VTI1B: variants seen among roughly 807,000 people sequenced by gnomAD.
VTI1B encodes the protein vesicle transport through interaction with t-SNAREs homolog 1B.
Under a neutral mutation model 28.6 loss-of-function variants are expected in VTI1B, and 18 were observed. The ratio of observed to expected loss-of-function variants is 0.63; its 90% CI spans 0.43 to 0.93. VTI1B has a LOEUF of 0.93. Among genes scored for constraint, VTI1B ranks in the 40% least tolerant of loss-of-function variants. VTI1B has a pLI of 0.00. For missense variants in VTI1B, 283 were observed against 297.0 expected (o/e 0.95, Z 0.35); for synonymous variants, 100 against 107.9 (o/e 0.93, Z 0.46).
At chr14:67,664,498 A>ATTTTT (rs11444640) in intron 1 of VTI1B, among the ~76,000 whole-genome samples, 1 of 147,066 alleles carries the variant, frequency 6.8e-6, no homozygotes. Context: ...CTAAAGAGCA[A>ATTTTT]TTTTTTTTTT....
At chr14:67,665,146 C>A (rs1399941709) in intron 1 of VTI1B, among the ~76,000 whole-genome samples, 1 of 152,210 alleles carries the variant, frequency 6.6e-6, no homozygotes, top group Non-Finnish European at 1.5e-5. Flanking sequence ...AGCTAGTGCA[C>A]CCGGCCAAGC....
rs370134816 is a variant in VTI1B, at chr14:67,655,912, AT to A, written c.540+503del. Among the ~76,000 whole-genome samples, 120 of 152,174 alleles carry A rather than the reference AT, an allele frequency of 7.9e-4. 1 individual carries two copies. The highest frequency in any genetic ancestry group is 2.6e-3 in the African/African-American group (108 of 41,508). On this transcript the variant is annotated intron_variant, in intron 4 of 5. Coordinates refer to ENST00000554659, the MANE Select transcript of VTI1B (RefSeq NM_006370.3). Reference sequence around the variant, plus strand: ...GTGATGTCTAAATCTTAGGGGTAAAATTGCTTCTAAGGGACATCTCTCAGCC... The same window carrying A: ...GTGATGTCTAAATCTTAGGGGTAAAATGCTTCTAAGGGACATCTCTCAGCC...
At chr14:67,654,800 C>T (rs943665522) in intron 4 of VTI1B, among the ~76,000 whole-genome samples, 10 of 151,696 alleles carry the variant, frequency 6.6e-5, no homozygotes, top group African/African-American at 2.2e-4. Flanking sequence ...GAGGCTGAGG[C>T]GGGCAGATCA....
intron 1 of VTI1B, among the ~76,000 whole-genome samples, chr14:67,671,833 AG>A (rs2140036209): frequency 6.6e-6 from 1 of 152,336 alleles, no homozygotes; most frequent in East Asian, 1.9e-4. Context: ...GGCAAGCAAG[AG>A]AGGGCTGAAC....
chr14:67,673,127 G>T (rs1248645516), intron 1 of VTI1B, among the ~76,000 whole-genome samples: 1 of 152,190 alleles, frequency 6.6e-6, no homozygotes, highest in Non-Finnish European at 1.5e-5. Context: ...CGGATCACTT[G>T]AGGTCAGGAG....
intron 1 of VTI1B, 94 bp from the exon 2 acceptor site, chr14:67,662,629 G>GCCCT: frequency 8.8e-7 from 1 of 1,133,466 alleles, no homozygotes; most frequent in Non-Finnish European, 1.3e-6. Flanking sequence ...CCTATGGCAG[G>GCCCT]GCCTGGTGGC....
chr14:67,668,626 T>TA (rs1470160149), intron 1 of VTI1B, among the ~76,000 whole-genome samples: 2 of 115,280 alleles, frequency 1.7e-5, no homozygotes, highest in Non-Finnish European at 4.7e-5. Flanking sequence ...ACCTAGTCTG[T>TA]GCTAGGCACT....
chr14:67,656,453 C>G lies in VTI1B; in HGVS notation c.503G>C (p.Gly168Ala), dbSNP rs1299209982. ...QIGSEIIEEL[G>A]EQRDQLERTK... ...ACGTTCTAACTGGTCTCGTTGTTCC[C>G]CCAGCTCTTCTATGATTTCTGAGCC... The change falls in exon 4 of 6, where the codon GGG becomes GCG. Residue 168 changes from glycine to alanine, a missense_variant. Gly to Ala is a moderately conservative substitution (Grantham distance 60). Transcript: ENST00000554659. 2.5e-6 allele frequency: 4 copies of G among 1,613,408 alleles called. No homozygotes were observed. In the Admixed American group the frequency reaches 5.0e-5, roughly 20 times the overall value.
chr14:67,659,547 G>A (rs1310930567), intron 3 of VTI1B, among the ~76,000 whole-genome samples, 184 bp downstream of exon 3: 1 of 151,740 alleles, frequency 6.6e-6, no homozygotes, highest in Non-Finnish European at 1.5e-5. Flanking sequence ...CGAAAGGCCT[G>A]CCTTAAATAG....
chr14:67,653,555 G>T, intron 4 of VTI1B, 57 bp from the exon 5 acceptor site: 1 of 1,477,070 alleles, frequency 6.8e-7, no homozygotes, highest in South Asian at 1.2e-5. Flanking sequence ...CTGTACAATT[G>T]AATATCCCTA....
rs766985135 is a variant in VTI1B, at chr14:67,674,409, C to T, written c.81G>A (p.Gly27=). Residue 27 remains glycine, a synonymous_variant, in exon 1 of 6, where the codon GGG becomes GGA. Transcript: ENST00000554659. ...IFRGLHEDLQ[G]VPERLLGTAG... ...CCGTCCCCAGCAGCCGCTCGGGCAC[C>T]CCTTGTAGGTCTTCATGGAGGCCGC... 19 of 1,605,692 alleles carry T rather than the reference C, an allele frequency of 1.2e-5. No homozygotes were observed. The Middle Eastern group carries it at 6.7e-4, about 57-fold the overall frequency.
At chr14:67,666,427 G>C (rs573389214) in intron 1 of VTI1B, among the ~76,000 whole-genome samples, 1 of 152,200 alleles carries the variant, frequency 6.6e-6, no homozygotes, top group South Asian at 2.1e-4. Flanking sequence ...CCTCTTATAA[G>C]TGCTCTATAA....
chr14:67,662,955 T>C, intron 1 of VTI1B: 1 of 1,189,304 alleles, frequency 8.4e-7, no homozygotes, highest in Admixed American at 4.2e-5. Context: ...CTGAAACCCC[T>C]CACCACTCCC....
rs183333044 is a variant in VTI1B, at chr14:67,656,542, G to C, written c.414C>G (p.Ser138Arg). ...QRAMLLQGTE[S>R]LNRATQSIER... ...CAATACTTTGGGTGGCCCGGTTCAGGCTTTCAGTGCCCTGCAGAAGCATTG... is the reference window on the plus strand; with the variant it reads ...CAATACTTTGGGTGGCCCGGTTCAGCCTTTCAGTGCCCTGCAGAAGCATTG... The change falls in exon 4 of 6, where the codon AGC becomes AGG. Residue 138 changes from serine to arginine, a missense_variant. Ser to Arg is a moderately radical substitution (Grantham distance 110). Coordinates refer to ENST00000554659, the MANE Select transcript of VTI1B (RefSeq NM_006370.3). The C allele has an allele frequency of 6.8e-6, 11 of 1,613,932 alleles. No homozygotes were observed. Among genetic ancestry groups the C allele is most frequent in the Non-Finnish European group, 8.5e-7 (1 of 1,179,850 alleles).
chr14:67,659,631 A>G, intron 3 of VTI1B, 100 bp downstream of exon 3: 4 of 1,215,008 alleles, frequency 3.3e-6, no homozygotes, highest in Non-Finnish European at 4.5e-6. Context: ...ACAAGAGTCT[A>G]GTATACACTG....
chr14:67,647,146 A>G lies in VTI1B; in HGVS notation c.*4239T>C, dbSNP rs2037111510. On this transcript the variant is annotated 3_prime_UTR_variant, in exon 6 of 6. Coordinates refer to ENST00000554659, the MANE Select transcript of VTI1B (RefSeq NM_006370.3). ...AGCAAAAACATACACATAATTTTAA[A>G]TAGTTCAGAAAGGCAAAATTTGAAA... The G allele has an allele frequency of 8.6e-6, 6 of 697,174 alleles. No individual in the cohort carries two copies. The Admixed American group carries it at 1.7e-4, about 20-fold the overall frequency. 43.2% of individuals were successfully genotyped at this position (697,174 alleles called of 1,614,324 possible).
At chr14:67,663,717 T>A (rs547226290) in intron 1 of VTI1B, among the ~76,000 whole-genome samples, 3 of 152,296 alleles carry the variant, frequency 2.0e-5, no homozygotes, top group Admixed American at 2.0e-4. Flanking sequence ...ACAGTAATAA[T>A]GATACTTGCG....
At position 67,674,519 on chromosome 14, in the gene VTI1B, C is replaced by G. The variant is rs2037510244; in HGVS notation, c.-30G>C. On this transcript the variant is annotated 5_prime_UTR_variant, in exon 1 of 6. Coordinates refer to ENST00000554659, the MANE Select transcript of VTI1B (RefSeq NM_006370.3). ...CAGGCCGCGCTGGAGCAGCGGCCAC[C>G]GAGATTCGGGGCCCTGGGCCCTTTC... The G allele has an allele frequency of 6.4e-7, 1 of 1,565,642 alleles. No homozygotes were observed. Among genetic ancestry groups the G allele is most frequent in the African/African-American group, 1.4e-5 (1 of 73,210 alleles).
chr14:67,667,028 C>T (rs1042784012), intron 1 of VTI1B, among the ~76,000 whole-genome samples: 3 of 152,204 alleles, frequency 2.0e-5, no homozygotes, highest in Non-Finnish European at 4.4e-5. Context: ...GAATGAACCA[C>T]TTCAAATACC....
Sources: gnomAD v4.1 joint callset for allele counts (sites outside exome capture counted in the v4.1 genomes callset) on GRCh38, gnomAD v4.1.1 for gene constraint, MANE v1.5 for transcripts, NCBI Gene and HGNC (gene_info 2026-07-23, HGNC 2026-07-21) for gene names.